Variants in ATXN1 observed in about 807,000 individuals in gnomAD.
The protein encoded by ATXN1 is ataxin 1.
In ATXN1, 8 loss-of-function variants were observed where a neutral mutation model predicts 56.4. That is an observed-to-expected ratio of 0.14 (90% CI 0.08 to 0.26). The LOEUF is 0.26. ATXN1 is among the 10% of genes least tolerant of loss of function. The pLI, the probability that ATXN1 is intolerant of heterozygous loss-of-function variation, is 1.00. For missense variants in ATXN1, 987 were observed against 1,106.5 expected, an observed-to-expected ratio of 0.89 and a Z score of 1.53; for synonymous variants, 514 against 494.6, an observed-to-expected ratio of 1.04 and a Z score of -0.52.
At chr6:16,618,194 A>G (rs148642284) in intron 3 of ATXN1, among the ~76,000 whole-genome samples, 1 of 152,166 alleles carries the variant, frequency 6.6e-6, no homozygotes, top group African/African-American at 2.4e-5. Flanking sequence ...GTTCTCACTC[A>G]TAAGTGGGAG....
chr6:16,761,237 G>C (rs1001796673), intron 1 of ATXN1, 61 bp downstream of exon 1: 10 of 420,420 alleles, frequency 2.4e-5, no homozygotes, highest in Non-Finnish European at 4.3e-5. Flanking sequence ...TCTAAATAAG[G>C]GGAGAAGGGA....
chr6:16,607,060 G>A (rs1257301821), intron 3 of ATXN1, among the ~76,000 whole-genome samples: 1 of 152,024 alleles, frequency 6.6e-6, no homozygotes, highest in Non-Finnish European at 1.5e-5. Context: ...CTAATGTTTT[G>A]TATTTTTAGT....
intron 3 of ATXN1, among the ~76,000 whole-genome samples, chr6:16,647,824 C>T (rs2014558): frequency 0.42 from 63,542 of 151,972 alleles, 13,778 homozygotes; most frequent in East Asian, 0.5. Flanking sequence ...GCCTGTAATC[C>T]CAGCACTTTG....
At position 16,404,736 on chromosome 6, in the gene ATXN1, T is replaced by C. The variant is rs1186758925; in HGVS notation, c.-160-76266A>G. ...CGCACACACACTCCACGTTGTTAGTTTTCTGGGTCATTTCCTGTGAAATGT... is the reference window on the plus strand; with the variant it reads ...CGCACACACACTCCACGTTGTTAGTCTTCTGGGTCATTTCCTGTGAAATGT... On this transcript the variant is annotated intron_variant, in intron 6 of 7. Coordinates refer to ENST00000436367, the MANE Select transcript of ATXN1 (RefSeq NM_001128164.2). 3.3e-5 allele frequency among the ~76,000 whole-genome samples: 5 copies of C among 151,884 alleles called. No individual in the cohort carries two copies. The East Asian group carries it at 9.6e-4, about 29-fold the overall frequency.
intron 6 of ATXN1, among the ~76,000 whole-genome samples, chr6:16,356,289 A>C (rs1277769876): frequency 6.6e-6 from 1 of 152,142 alleles, no homozygotes; most frequent in East Asian, 1.9e-4. Flanking sequence ...TTATTCTATG[A>C]CTCAGAAGGT....
chr6:16,353,682 C>T (rs1230832634), intron 6 of ATXN1, among the ~76,000 whole-genome samples: 1 of 151,540 alleles, frequency 6.6e-6, no homozygotes, highest in Non-Finnish European at 1.5e-5. Flanking sequence ...TCAAAAAAAG[C>T]AAAAAACAAA....
chr6:16,509,824 T>C (rs1761048892), intron 5 of ATXN1, among the ~76,000 whole-genome samples: 1 of 152,196 alleles, frequency 6.6e-6, no homozygotes, highest in South Asian at 2.1e-4. Flanking sequence ...CAGTCTACAA[T>C]ATGGCTTCCA....
In ATXN1 at chr6:16,672,510, G is replaced by A. The variant is rs1402288751; in HGVS notation, c.-614-14609C>T. ...CAGTCTGTGAATTCGTGGTAAAAGCGATTTCACAGATGTGATGACATTAAG... is the reference window on the plus strand; with the variant it reads ...CAGTCTGTGAATTCGTGGTAAAAGCAATTTCACAGATGTGATGACATTAAG... On this transcript the variant is annotated intron_variant, in intron 2 of 7. Transcript: ENST00000436367. 2.6e-5 allele frequency among the ~76,000 whole-genome samples: 4 copies of A among 152,140 alleles called. No homozygotes were observed. The East Asian group carries it at 5.8e-4, about 22-fold the overall frequency.
intron 4 of ATXN1, among the ~76,000 whole-genome samples, chr6:16,571,532 C>T (rs544561022): frequency 4.6e-5 from 7 of 152,206 alleles, no homozygotes; most frequent in African/African-American, 1.4e-4. Context: ...CACTTTGCCA[C>T]CCAGACTGGT....
At chr6:16,670,621 T>C (rs1239073482) in intron 2 of ATXN1, among the ~76,000 whole-genome samples, 1 of 152,230 alleles carries the variant, frequency 6.6e-6, no homozygotes, top group African/African-American at 2.4e-5. Context: ...AGAACTCAAT[T>C]TGACTTTTAA....
chr6:16,544,034 GA>G lies in ATXN1; in HGVS notation c.-360-21347del, dbSNP rs577223378. Among the ~76,000 whole-genome samples the G allele has an allele frequency of 1.1e-4, 17 of 152,374 alleles. No individual in the cohort carries two copies. The South Asian group carries it at 2.3e-3, about 20-fold the overall frequency. On this transcript the variant is annotated intron_variant, in intron 4 of 7. Transcript: ENST00000436367. ...ACATCAGGGTATTGGACCATGAAGA[GA>G]AAATTCCAGTCCTGGGTGTGCCATC... is the stretch of plus-strand genomic sequence containing the variant.
intron 3 of ATXN1, among the ~76,000 whole-genome samples, chr6:16,612,708 T>G (rs1561778556): frequency 6.7e-6 from 1 of 149,166 alleles, no homozygotes; most frequent in Non-Finnish European, 1.5e-5. Flanking sequence ...CTGGCCAACA[T>G]GGCAAAACTC....
intron 4 of ATXN1, among the ~76,000 whole-genome samples, chr6:16,539,251 T>C (rs1761666056): frequency 6.6e-6 from 1 of 152,252 alleles, no homozygotes; most frequent in Non-Finnish European, 1.5e-5. Context: ...GATTTTATCA[T>C]GACGCTTGCT....
intron 2 of ATXN1, chr6:16,666,783 T>A (rs2113375091): frequency 6.7e-6 from 1 of 150,316 alleles, no homozygotes; most frequent in Non-Finnish European, 1.5e-5. Flanking sequence ...GCATTACAGG[T>A]GTGAGCCACT....
chr6:16,616,493 T>A (rs539105027), intron 3 of ATXN1, among the ~76,000 whole-genome samples: 1 of 147,538 alleles, frequency 6.8e-6, no homozygotes, highest in South Asian at 2.1e-4. Flanking sequence ...GGAGCTGAGA[T>A]CATGCCACTG....
intron 5 of ATXN1, among the ~76,000 whole-genome samples, chr6:16,495,636 G>T (rs1373447478): frequency 6.6e-6 from 1 of 152,198 alleles, no homozygotes; most frequent in Non-Finnish European, 1.5e-5. Context: ...GCCAAGGCAG[G>T]TGGATCATTT....
intron 4 of ATXN1, among the ~76,000 whole-genome samples, chr6:16,562,547 G>T (rs555374988): frequency 5.3e-5 from 8 of 151,374 alleles, no homozygotes; most frequent in Non-Finnish European, 1.2e-4. Flanking sequence ...GAAAAGAAAA[G>T]AAATGAAATG....
chr6:16,523,051 C>G (rs551899215), intron 4 of ATXN1, among the ~76,000 whole-genome samples: 49 of 152,048 alleles, frequency 3.2e-4, no homozygotes, highest in Non-Finnish European at 6.3e-4. Context: ...TTGAAGAAGT[C>G]TTTTTTTGTA....
chr6:16,474,599 T>C (rs751574713), intron 6 of ATXN1, among the ~76,000 whole-genome samples: 1 of 152,226 alleles, frequency 6.6e-6, no homozygotes, highest in Non-Finnish European at 1.5e-5. Context: ...ATATGCTAAC[T>C]GATACATCCA....
Sources: allele counts gnomAD v4.1 joint callset (sites outside exome capture counted in the v4.1 genomes callset), GRCh38; gene constraint gnomAD v4.1.1; transcripts MANE v1.5; gene names NCBI Gene and HGNC (gene_info 2026-07-23, HGNC 2026-07-21).